The following FAM3D variants were observed in gnomAD, a reference collection of about 807,000 sequenced individuals.
FAM3D encodes the protein protein FAM3D.
In FAM3D, 26 loss-of-function variants were observed where a neutral mutation model predicts 29.8. The observed-to-expected ratio is 0.87, with a 90% CI of 0.64 to 1.21. FAM3D has a LOEUF of 1.21. Ranked by LOEUF, FAM3D falls within the 50% of genes most tolerant of loss-of-function variation. The pLI, the probability that FAM3D is intolerant of heterozygous loss-of-function variation, is 0.00. For missense variants in FAM3D, 253 were observed against 290.9 expected (o/e 0.87, Z 0.95); for synonymous variants, 115 against 102.3 (o/e 1.12, Z -0.75).
chr3:58,641,765 A>G (rs754091167), intron 6 of FAM3D, among the ~76,000 whole-genome samples: 4 of 152,246 alleles, frequency 2.6e-5, no homozygotes, highest in African/African-American at 7.2e-5. Context: ...GAAAAGGCAC[A>G]GTAAGTGCCC....
chr3:58,653,548 G>T, intron 3 of FAM3D, 126 bp downstream of exon 3: 3 of 900,080 alleles, frequency 3.3e-6, no homozygotes, highest in Admixed American at 1.9e-5. Flanking sequence ...CCCTGCAATT[G>T]CTGGGGTCCC....
chr3:58,640,325 A>C lies in FAM3D; in HGVS notation c.323-148T>G, dbSNP rs1166978372. 5.8e-6 allele frequency: 5 copies of C among 866,504 alleles called. No individual in the cohort carries two copies. The African/African-American group carries it at 8.3e-5, about 14-fold the overall frequency. The allele number at this position is 866,504 out of a possible 1,614,324, so 53.7% of individuals were successfully genotyped here. ...GTCCTATAAAGAGCACGCAGGACTAAAGTAGGTTTCCAGGAATGGCTGGGC... is the reference window on the plus strand; with the variant it reads ...GTCCTATAAAGAGCACGCAGGACTACAGTAGGTTTCCAGGAATGGCTGGGC... On this transcript the variant is annotated intron_variant, in intron 6 of 9. Transcript: ENST00000358781.
chr3:58,660,335 C>T (rs2066907475), intron 1 of FAM3D, among the ~76,000 whole-genome samples: 1 of 152,124 alleles, frequency 6.6e-6, no homozygotes, highest in Non-Finnish European at 1.5e-5. Context: ...CTATGAGTCT[C>T]CCATCACCCC....
At chr3:58,655,979 T>TTCCA (rs914363104) in intron 1 of FAM3D, among the ~76,000 whole-genome samples, 1 of 152,172 alleles carries the variant, frequency 6.6e-6, no homozygotes, top group African/African-American at 2.4e-5. Flanking sequence ...TAATCCATCC[T>TTCCA]TCCATCCATC....
intron 4 of FAM3D, 70 bp from the exon 5 acceptor site, chr3:58,645,696 G>A (rs555583943): frequency 8.7e-6 from 11 of 1,259,148 alleles, no homozygotes; most frequent in South Asian, 1.4e-5. Context: ...GGAGGGGAGG[G>A]CCAGGGCTAG....
chr3:58,642,483 G>T (rs760755828), intron 6 of FAM3D, among the ~76,000 whole-genome samples: 21 of 152,056 alleles, frequency 1.4e-4, no homozygotes, highest in Non-Finnish European at 2.5e-4. Flanking sequence ...TCCCCAACTT[G>T]CCCTGACCTT....
chr3:58,656,869 TG>T (rs1344092925), intron 1 of FAM3D, among the ~76,000 whole-genome samples: 1 of 152,172 alleles, frequency 6.6e-6, no homozygotes, highest in Non-Finnish European at 1.5e-5. Context: ...ATATGTACAT[TG>T]AGAGGTGCTC....
chr3:58,658,127 T>C (rs1410128666), intron 1 of FAM3D, among the ~76,000 whole-genome samples: 1 of 152,154 alleles, frequency 6.6e-6, no homozygotes, highest in Non-Finnish European at 1.5e-5. Flanking sequence ...TTGGACCTCT[T>C]CCTCTGAACT....
intron 2 of FAM3D, among the ~76,000 whole-genome samples, chr3:58,653,995 C>T (rs575824109): frequency 1.3e-5 from 2 of 152,228 alleles, no homozygotes; most frequent in South Asian, 2.1e-4. Flanking sequence ...GGCAACATTG[C>T]CCCAAGTGGG....
In FAM3D at chr3:58,655,626, G is replaced by A. The variant is rs982816141; in HGVS notation, c.-38-25C>T. The A allele has an allele frequency of 1.7e-5, 27 of 1,587,136 alleles. 2 individuals carry two copies. The highest frequency in any genetic ancestry group is 1.3e-4 in the South Asian group (11 of 87,816). Reference sequence around the variant, plus strand: ...CCTATGGAGAGAAGAAAATCCAGTCGGAAACTGGCATCAGGTCTGCAAGTG... The same window carrying A: ...CCTATGGAGAGAAGAAAATCCAGTCAGAAACTGGCATCAGGTCTGCAAGTG... On this transcript the variant is annotated intron_variant, in intron 1 of 9. Transcript: ENST00000358781.
chr3:58,643,599 C>T lies in FAM3D; in HGVS notation c.322+63G>A, dbSNP rs1290443966. 3.9e-6 allele frequency: 6 copies of T among 1,534,142 alleles called. No homozygotes were observed. The African/African-American group carries it at 8.2e-5, about 21-fold the overall frequency. ...AGCCAATGTTGGTTGAATGAATATG[C>T]CGCTACCCCCTACCCTCCCTGGTTC... On this transcript the variant is annotated intron_variant, in intron 6 of 9. Transcript: ENST00000358781.
At chr3:58,647,414 C>T (rs1200342737) in intron 4 of FAM3D, among the ~76,000 whole-genome samples, 1 of 152,174 alleles carries the variant, frequency 6.6e-6, no homozygotes, top group African/African-American at 2.4e-5. Context: ...GGGAGGGAAG[C>T]CAGGGCATGG....
intron 8 of FAM3D, 99 bp from the exon 9 acceptor site, chr3:58,636,519 A>T: frequency 6.6e-7 from 1 of 1,524,058 alleles, no homozygotes. Flanking sequence ...TCTTCTCCCC[A>T]TTCAGCATCT....
intron 3 of FAM3D, among the ~76,000 whole-genome samples, chr3:58,650,539 A>G (rs2066606984): frequency 6.6e-6 from 1 of 152,064 alleles, no homozygotes; most frequent in East Asian, 1.9e-4. Flanking sequence ...TGTTGAGGTC[A>G]AGTAGCAACA....
intron 3 of FAM3D, among the ~76,000 whole-genome samples, chr3:58,651,082 G>C (rs1254440217): frequency 6.6e-6 from 1 of 152,166 alleles, no homozygotes; most frequent in Non-Finnish European, 1.5e-5. Context: ...TCTGGTTTCT[G>C]TGCCATGATT....
intron 2 of FAM3D, 35 bp from the exon 3 acceptor site, chr3:58,653,816 G>T: frequency 6.5e-7 from 1 of 1,548,964 alleles, no homozygotes. Context: ...GGAGACCACA[G>T]AGCCAAGACC....
chr3:58,653,923 T>A (rs983126507), intron 2 of FAM3D, 142 bp from the exon 3 acceptor site: 46 of 688,766 alleles, frequency 6.7e-5, no homozygotes, highest in Non-Finnish European at 1.1e-4. Context: ...CATGGGACCA[T>A]GTGGTAAGAT....
At chr3:58,665,629 A>G (rs1038100867) in intron 1 of FAM3D, among the ~76,000 whole-genome samples, 5 of 152,170 alleles carry the variant, frequency 3.3e-5, no homozygotes, top group African/African-American at 9.7e-5. Context: ...GCCCACTTCC[A>G]GCCATGGACT....
In FAM3D at chr3:58,634,496, G is replaced by A; in HGVS notation, c.586-128C>T. 1 of 754,436 alleles carries A rather than the reference G, an allele frequency of 1.3e-6. No homozygotes were observed. Among genetic ancestry groups the A allele is most frequent in the South Asian group, 1.8e-5 (1 of 54,970 alleles). The allele number at this position is 754,436 out of a possible 1,614,324, so 46.7% of individuals were successfully genotyped here. On this transcript the variant is annotated intron_variant, in intron 9 of 9. Coordinates refer to ENST00000358781, the MANE Select transcript of FAM3D (RefSeq NM_138805.3). The surrounding 1 kb of genome is among the most constrained non-coding windows in gnomAD (Gnocchi z 4.6). ...GTTATTAACCCACTTCACAGATGGG[G>A]AAACTGAGGCTCAGAGAGGGGATGC...
Sources: allele counts gnomAD v4.1 joint callset (sites outside exome capture counted in the v4.1 genomes callset), GRCh38; gene constraint gnomAD v4.1.1; non-coding constraint Gnocchi (gnomAD v3.1); transcripts MANE v1.5; gene names NCBI Gene and HGNC (gene_info 2026-07-23, HGNC 2026-07-21).